GTF2A1: variants seen among roughly 807,000 people sequenced by gnomAD.
GTF2A1 encodes transcription initiation factor IIA subunit 1.
A neutral mutation model predicts 54.1 loss-of-function variants in GTF2A1; 12 were observed. The ratio of observed to expected loss-of-function variants is 0.22; its 90% CI spans 0.14 to 0.36. The LOEUF (loss-of-function observed/expected upper bound fraction) is 0.36. Ranked by LOEUF, GTF2A1 falls within the 10% of genes least tolerant of loss-of-function variation. GTF2A1 has a pLI of 1.00. For missense variants in GTF2A1, 335 were observed against 442.2 expected, an observed-to-expected ratio of 0.76 and a Z score of 2.17; for synonymous variants, 145 against 152.0, an observed-to-expected ratio of 0.95 and a Z score of 0.34.
intron 1 of GTF2A1, among the ~76,000 whole-genome samples, chr14:81,217,276 T>C (rs1893507243): frequency 6.6e-6 from 1 of 152,200 alleles, no homozygotes; most frequent in South Asian, 2.1e-4. Context: ...AGAATAGATG[T>C]GAAAGAACTT....
At chr14:81,202,768 A>C (rs1319989323) in intron 3 of GTF2A1, 1 of 518,438 alleles carries the variant, frequency 1.9e-6, no homozygotes, top group African/African-American at 1.9e-5. Flanking sequence ...AAGAAAATCA[A>C]ATTTTAATTT....
At position 81,220,557 on chromosome 14, in the gene GTF2A1, A is replaced by C. The variant is rs1222496458; in HGVS notation, c.-39T>G. 6.6e-7 allele frequency: 1 copy of C among 1,517,660 alleles called. No individual in the cohort carries two copies. The highest frequency in any genetic ancestry group is 1.2e-5 in the South Asian group (1 of 82,672). The allele number at this position is 1,517,660 out of a possible 1,614,324, so 94.0% of individuals were successfully genotyped here. On this transcript the variant is annotated 5_prime_UTR_variant, in exon 1 of 9. Coordinates refer to ENST00000553612, the MANE Select transcript of GTF2A1 (RefSeq NM_015859.4). ...ACAAACAAGAGGGGGCAACCCCAAG[A>C]AAACAAGATAAAAACAAAACCAAAA...
intron 4 of GTF2A1, among the ~76,000 whole-genome samples, chr14:81,199,946 T>A (rs537863269): frequency 4.7e-3 from 1 of 212 alleles, no homozygotes; most frequent in East Asian, 6.8e-3. Context: ...ATAGTGAGAC[T>A]TTTTTTTTTT....
intron 5 of GTF2A1, 21 bp from the exon 6 acceptor site, chr14:81,196,262 T>C (rs1295831052): frequency 1.9e-6 from 3 of 1,613,502 alleles, no homozygotes; most frequent in Non-Finnish European, 2.5e-6. Flanking sequence ...AAGCATGCAT[T>C]CCGAGTTATC....
rs1303339893 is a variant in GTF2A1, at chr14:81,178,913, T to A, written c.*1310A>T. 1 of 152,232 alleles carries A rather than the reference T, an allele frequency of 6.6e-6. No individual in the cohort carries two copies. The highest frequency in any genetic ancestry group is 2.4e-5 in the African/African-American group (1 of 41,466). 9.4% of individuals were successfully genotyped at this position (152,232 alleles called of 1,614,324 possible). On this transcript the variant is annotated 3_prime_UTR_variant, in exon 9 of 9. Transcript: ENST00000553612. ...CACACTGAACACAGCAGTGCCATAT[T>A]GTTCTTCAGAGCCCCTTACAGAATA...
intron 4 of GTF2A1, among the ~76,000 whole-genome samples, chr14:81,197,979 A>G (rs1443694836): frequency 6.6e-6 from 1 of 152,224 alleles, no homozygotes; most frequent in African/African-American, 2.4e-5. Flanking sequence ...TAAAATTTCT[A>G]CTAAAATCAA....
rs2140142830 is a variant in GTF2A1, at chr14:81,178,782, C to G, written c.*1441G>C. 6.6e-6 allele frequency: 1 copy of G among 152,162 alleles called. No homozygotes were observed. Among genetic ancestry groups the G allele is most frequent in the African/African-American group, 2.4e-5 (1 of 41,516 alleles). The allele number at this position is 152,162 out of a possible 1,614,324, so 9.4% of individuals were successfully genotyped here. On this transcript the variant is annotated 3_prime_UTR_variant, in exon 9 of 9. Coordinates refer to ENST00000553612, the MANE Select transcript of GTF2A1 (RefSeq NM_015859.4). ...AAAAATATATCAATATACAAGTAACCTAAACACATGTAAATTTTGTCAAGA... is the reference window on the plus strand; with the variant it reads ...AAAAATATATCAATATACAAGTAACGTAAACACATGTAAATTTTGTCAAGA...
intron 8 of GTF2A1, among the ~76,000 whole-genome samples, chr14:81,183,424 C>G (rs1042091149): frequency 2.6e-5 from 4 of 152,358 alleles, no homozygotes; most frequent in Admixed American, 6.5e-5. Context: ...TGCCTGCATT[C>G]TGTCATAGGA....
In GTF2A1 at chr14:81,220,576, AC is replaced by A; in HGVS notation, c.-59del. The A allele has an allele frequency of 6.7e-6, 9 of 1,343,288 alleles. No homozygotes were observed. The highest frequency in any genetic ancestry group is 1.3e-5 in the South Asian group (1 of 75,076). 83.2% of individuals were successfully genotyped at this position (1,343,288 alleles called of 1,614,324 possible). A position where few individuals can be genotyped will look rare whatever the true frequency, so the allele number is the denominator to read the frequency against. On this transcript the variant is annotated 5_prime_UTR_variant, in exon 1 of 9. Transcript: ENST00000553612. The stretch of plus-strand genomic sequence containing the variant: ...CCCAAGAAAACAAGATAAAAACAAA[AC>A]CAAAAAAAAAAAAACTATAACACCC...
chr14:81,216,315 T>A (rs1014312511), intron 2 of GTF2A1, 98 bp downstream of exon 2: 1 of 651,554 alleles, frequency 1.5e-6, no homozygotes, highest in Non-Finnish European at 2.8e-6. Context: ...CACTCAACTA[T>A]ACGTTCATCC....
chr14:81,194,626 C>T (rs1358647665), intron 6 of GTF2A1, among the ~76,000 whole-genome samples: 1 of 152,240 alleles, frequency 6.6e-6, no homozygotes, highest in East Asian at 1.9e-4. Context: ...AGAAAATAAC[C>T]ATTCCTCTTT....
chr14:81,217,303 AT>A (rs1156573585), intron 1 of GTF2A1, among the ~76,000 whole-genome samples: 1 of 152,228 alleles, frequency 6.6e-6, no homozygotes, highest in Non-Finnish European at 1.5e-5. Flanking sequence ...AGTATAAAAT[AT>A]TTTTTAAAAA....
chr14:81,190,682 A>G (rs529400658), intron 7 of GTF2A1, among the ~76,000 whole-genome samples: 1 of 152,296 alleles, frequency 6.6e-6, no homozygotes, highest in South Asian at 2.1e-4. Context: ...AAAACCCACA[A>G]CAAACATTAA....
At chr14:81,190,884 C>T (rs980009485) in intron 7 of GTF2A1, among the ~76,000 whole-genome samples, 1 of 152,092 alleles carries the variant, frequency 6.6e-6, no homozygotes, top group African/African-American at 2.4e-5. Context: ...ATTATGAGGA[C>T]TAACAAAAGA....
At chr14:81,208,015 A>C (rs994882068) in intron 2 of GTF2A1, among the ~76,000 whole-genome samples, 6 of 150,544 alleles carry the variant, frequency 4.0e-5, no homozygotes, top group African/African-American at 1.5e-4. Flanking sequence ...AGAAAAAGCC[A>C]TTTTTTGAGG....
intron 7 of GTF2A1, among the ~76,000 whole-genome samples, chr14:81,188,772 G>T (rs1051234374): frequency 2.3e-5 from 1 of 43,562 alleles, no homozygotes; most frequent in East Asian, 4.4e-4. Context: ...GTGAGACTCT[G>T]TCTCGAAAAA....
chr14:81,197,495 CAAAG>C lies in GTF2A1; in HGVS notation c.403-15_403-12del, dbSNP rs759410746. On this transcript the variant is annotated splice_polypyrimidine_tract_variant and intron_variant, in intron 4 of 8. Coordinates refer to ENST00000553612, the MANE Select transcript of GTF2A1 (RefSeq NM_015859.4). Reference sequence around the variant, plus strand: ...TGTAGCAGCAGCACTCTGAAAAAAACAAAGAAAAAATATCAAAACCACATACATG... The same window carrying C: ...TGTAGCAGCAGCACTCTGAAAAAAACAAAAAATATCAAAACCACATACATG... 4 of 1,507,514 alleles carry C rather than the reference CAAAG, an allele frequency of 2.7e-6. No homozygotes were observed. The African/African-American group carries it at 5.5e-5, about 21-fold the overall frequency. 93.4% of individuals were successfully genotyped at this position (1,507,514 alleles called of 1,614,324 possible).
chr14:81,200,087 A>G (rs945137966), intron 4 of GTF2A1, among the ~76,000 whole-genome samples: 3 of 152,212 alleles, frequency 2.0e-5, no homozygotes, highest in Non-Finnish European at 2.9e-5. Context: ...TAGAAACTGC[A>G]ACTACAAGTA....
intron 6 of GTF2A1, among the ~76,000 whole-genome samples, chr14:81,193,579 C>A (rs1892924466): frequency 6.6e-6 from 1 of 152,148 alleles, no homozygotes; most frequent in Non-Finnish European, 1.5e-5. Context: ...ATCCTGGCTG[C>A]AAATATGAAC....
Sources: allele counts gnomAD v4.1 joint callset (sites outside exome capture counted in the v4.1 genomes callset), GRCh38; gene constraint gnomAD v4.1.1; transcripts MANE v1.5; gene names NCBI Gene and HGNC (gene_info 2026-07-23, HGNC 2026-07-21).